Variants in HIP1 observed in about 807,000 individuals in gnomAD.
HIP1 encodes the protein huntingtin-interacting protein 1.
Under a neutral mutation model 147.6 loss-of-function variants are expected in HIP1, and 65 were observed. That is an observed-to-expected ratio of 0.44 (90% CI 0.36 to 0.54). The LOEUF (loss-of-function observed/expected upper bound fraction) is 0.54, where lower values mean the gene tolerates loss of function less well. Ranked by LOEUF, HIP1 falls within the 20% of genes least tolerant of loss-of-function variation. The probability of loss-of-function intolerance (pLI) is 0.00; values close to 1 mark genes in which losing one functional copy is unlikely to be tolerated. For synonymous variants in HIP1, 479 were observed against 504.0 expected (o/e 0.95, Z 0.67); for missense variants, 1,061 against 1,299.6 (o/e 0.82, Z 2.82).
At chr7:75,609,903 C>CTTTTTTTTTTTT (rs56106169) in intron 1 of HIP1, among the ~76,000 whole-genome samples, 1 of 130,994 alleles carries the variant, frequency 7.6e-6, no homozygotes, top group East Asian at 2.2e-4. Flanking sequence ...CTCTTCTTTT[C>CTTTTTTTTTTTT]TTTTTTTTTT....
intron 1 of HIP1, among the ~76,000 whole-genome samples, chr7:75,623,827 G>A (rs1797940277): frequency 6.6e-6 from 1 of 152,224 alleles, no homozygotes; most frequent in South Asian, 2.1e-4. Context: ...AGCACTTTGG[G>A]AGGCCGAGGC....
intron 1 of HIP1, among the ~76,000 whole-genome samples, chr7:75,686,010 C>T (rs1800250104): frequency 6.6e-6 from 1 of 152,160 alleles, no homozygotes; most frequent in Non-Finnish European, 1.5e-5. Context: ...ATTCTTGTGC[C>T]TCAGCCTCCC....
At chr7:75,595,586 C>T (rs927866299) in intron 2 of HIP1, among the ~76,000 whole-genome samples, 2 of 151,982 alleles carry the variant, frequency 1.3e-5, no homozygotes, top group African/African-American at 4.8e-5. Context: ...TCAAGAGATC[C>T]ACCCACCTTG....
intron 5 of HIP1, among the ~76,000 whole-genome samples, chr7:75,584,485 G>T (rs977977402): frequency 1.2e-4 from 18 of 152,108 alleles, no homozygotes; most frequent in Non-Finnish European, 2.5e-4. Context: ...CTAAAACCAG[G>T]AAAAACAAGA....
chr7:75,569,834 C>T (rs1273202531), intron 8 of HIP1, among the ~76,000 whole-genome samples: 2 of 152,070 alleles, frequency 1.3e-5, no homozygotes, highest in Non-Finnish European at 2.9e-5. Flanking sequence ...CCAAGAGGAA[C>T]CTAAGGAGAC....
At chr7:75,651,360 G>A (rs958620792) in intron 1 of HIP1, among the ~76,000 whole-genome samples, 2 of 149,716 alleles carry the variant, frequency 1.3e-5, no homozygotes, top group African/African-American at 4.9e-5. Context: ...TCGGGAGGCT[G>A]AGGCAGAAGA....
intron 4 of HIP1, among the ~76,000 whole-genome samples, chr7:75,590,500 A>T (rs1324833300): frequency 6.6e-6 from 1 of 152,194 alleles, no homozygotes; most frequent in Admixed American, 6.6e-5. Flanking sequence ...AACAGATGGG[A>T]CAAATAGAAA....
intron 1 of HIP1, among the ~76,000 whole-genome samples, chr7:75,713,431 A>G (rs1554520264): frequency 6.6e-6 from 1 of 152,210 alleles, no homozygotes; most frequent in Admixed American, 6.5e-5. Flanking sequence ...GGAGGCAGAC[A>G]GCAAAATTTC....
At chr7:75,694,559 G>A (rs1458746155) in intron 1 of HIP1, among the ~76,000 whole-genome samples, 2 of 142,310 alleles carry the variant, frequency 1.4e-5, no homozygotes, top group African/African-American at 5.3e-5. Flanking sequence ...CTCCCAGGCT[G>A]GAGTGCAGTG....
intron 14 of HIP1, 29 bp downstream of exon 14, chr7:75,559,703 G>GGCCGGCCCCCCCCCCCC: frequency 8.4e-7 from 1 of 1,195,144 alleles, no homozygotes; most frequent in Non-Finnish European, 1.2e-6. Context: ...TGCCCCCGGG[G>GGCCGGCCCCCCCCCCCC]CCCGCCCCCG....
intron 23 of HIP1, among the ~76,000 whole-genome samples, chr7:75,548,106 G>A (rs587773872): frequency 6.6e-6 from 1 of 152,054 alleles, no homozygotes; most frequent in East Asian, 2.0e-4. Context: ...TCGGCTCACT[G>A]CAACCTCCGC....
chr7:75,568,173 C>T lies in HIP1; in HGVS notation c.803+26G>A, dbSNP rs782535049. On this transcript the variant is annotated intron_variant, in intron 9 of 30. Coordinates refer to ENST00000336926, the MANE Select transcript of HIP1 (RefSeq NM_005338.7). This position sits in a 1 kb window ranked among gnomAD's most constrained non-coding sequence, Gnocchi z 4.1. ...TTTTATAGCGCTCTTGAATTCACCT[C>T]CATTCCTGTTACTTGAACCACTTAC... The T allele has an allele frequency of 1.3e-6, 2 of 1,546,270 alleles. No homozygotes were observed. Among genetic ancestry groups the T allele is most frequent in the South Asian group, 2.2e-5 (2 of 89,692 alleles).
chr7:75,653,213 T>A (rs1799048397), intron 1 of HIP1, among the ~76,000 whole-genome samples: 2 of 151,348 alleles, frequency 1.3e-5, no homozygotes, highest in South Asian at 4.2e-4. Flanking sequence ...AGGCTGGGGG[T>A]CTGCTCTGGG....
Position 75,533,866 on chromosome 7 carries a change from G to A in HIP1, c.*4306C>T, listed in dbSNP as rs1793989085. The A allele has an allele frequency of 4.3e-6, 1 of 235,138 alleles. No individual in the cohort carries two copies. The highest frequency in any genetic ancestry group is 2.2e-5 in the African/African-American group (1 of 45,472). 14.6% of individuals were successfully genotyped at this position (235,138 alleles called of 1,614,324 possible). A position where few individuals can be genotyped will look rare whatever the true frequency, so the allele number is the denominator to read the frequency against. On this transcript the variant is annotated 3_prime_UTR_variant, in exon 31 of 31. Coordinates refer to ENST00000336926, the MANE Select transcript of HIP1 (RefSeq NM_005338.7). ...CTGCGCCGATGGCTGGCAGGTCCGTGGTGGTGGTTTTCTATGCTACAGGTG... is the reference window on the plus strand; with the variant it reads ...CTGCGCCGATGGCTGGCAGGTCCGTAGTGGTGGTTTTCTATGCTACAGGTG...
intron 1 of HIP1, among the ~76,000 whole-genome samples, chr7:75,622,964 A>G (rs1554507414): frequency 1.3e-5 from 2 of 151,754 alleles, no homozygotes. Context: ...TTGGGAAGCT[A>G]AGGCGGGCAG....
chr7:75,584,041 A>C (rs1554499116), intron 5 of HIP1, among the ~76,000 whole-genome samples: 1 of 150,326 alleles, frequency 6.7e-6, no homozygotes, highest in Non-Finnish European at 1.5e-5. Context: ...GCTCACTGCA[A>C]CCTCAGCCCC....
At chr7:75,618,285 G>A (rs1797735344) in intron 1 of HIP1, among the ~76,000 whole-genome samples, 1 of 152,176 alleles carries the variant, frequency 6.6e-6, no homozygotes, top group African/African-American at 2.4e-5. Flanking sequence ...CCGAGTGGCT[G>A]GGATTACAGG....
At chr7:75,703,178 T>C (rs955913587) in intron 1 of HIP1, among the ~76,000 whole-genome samples, 3 of 151,772 alleles carry the variant, frequency 2.0e-5, no homozygotes, top group Admixed American at 2.0e-4. Flanking sequence ...GCGAAACCCA[T>C]CTCTACTAAA....
Position 75,534,425 on chromosome 7 carries a change from T to TTCTC in HIP1, c.*3743_*3746dup, listed in dbSNP as rs1198328673. On this transcript the variant is annotated 3_prime_UTR_variant, in exon 31 of 31. Coordinates refer to ENST00000336926, the MANE Select transcript of HIP1 (RefSeq NM_005338.7). ...AAGATGGCTCTTCTCTTCTATTTCT[T>TTCTC]TCTCTCTCTCTCTCTTTTTTTTTTT... 5.3e-6 allele frequency: 1 copy of TTCTC among 188,280 alleles called. No homozygotes were observed. Among genetic ancestry groups the TTCTC allele is most frequent in the Non-Finnish European group, 1.1e-5 (1 of 90,076 alleles). 11.7% of individuals were successfully genotyped at this position (188,280 alleles called of 1,614,324 possible). A position where few individuals can be genotyped will look rare whatever the true frequency, so the allele number is the denominator to read the frequency against.
Sources: allele counts gnomAD v4.1 joint callset (sites outside exome capture counted in the v4.1 genomes callset), GRCh38; gene constraint gnomAD v4.1.1; non-coding constraint Gnocchi (gnomAD v3.1); transcripts MANE v1.5; gene names NCBI Gene and HGNC (gene_info 2026-07-23, HGNC 2026-07-21).